The following WWOX variants were observed in gnomAD, a reference collection of about 807,000 sequenced individuals.
The protein encoded by WWOX is WW domain containing oxidoreductase, also known as WW domain-containing oxidoreductase.
In WWOX, 69 loss-of-function variants were observed where a neutral mutation model predicts 46.2. The ratio of observed to expected loss-of-function variants is 1.49; its 90% CI spans 1.23 to 1.82. The LOEUF (loss-of-function observed/expected upper bound fraction) is 1.82, where lower values mean the gene tolerates loss of function less well. Among genes scored for constraint, WWOX ranks in the 40% most tolerant of loss-of-function variants. WWOX has a pLI of 0.00. For missense variants in WWOX, 919 were observed against 542.6 expected, an observed-to-expected ratio of 1.69 and a Z score of -6.89; for synonymous variants, 359 against 202.6, an observed-to-expected ratio of 1.77 and a Z score of -6.56.
chr16:78,569,291 C>G (rs772616720), intron 8 of WWOX, among the ~76,000 whole-genome samples: 2 of 152,134 alleles, frequency 1.3e-5, no homozygotes, highest in African/African-American at 4.8e-5. Flanking sequence ...TTCATTGAAT[C>G]AAGGCAGTTT....
At chr16:78,714,031 G>C (rs755729588) in intron 8 of WWOX, among the ~76,000 whole-genome samples, 4 of 152,230 alleles carry the variant, frequency 2.6e-5, no homozygotes, top group South Asian at 4.2e-4. Flanking sequence ...GGAAGGTAAG[G>C]GAACTGGGGA....
intron 8 of WWOX, among the ~76,000 whole-genome samples, chr16:78,813,580 T>C (rs979917002): frequency 6.6e-6 from 1 of 152,090 alleles, no homozygotes; most frequent in Non-Finnish European, 1.5e-5. Context: ...TGTGTGTGCG[T>C]GTGTGTGTGC....
At chr16:79,028,919 T>G (rs1454934546) in intron 8 of WWOX, among the ~76,000 whole-genome samples, 1 of 151,794 alleles carries the variant, frequency 6.6e-6, no homozygotes, top group Admixed American at 6.6e-5. Context: ...GTTCATAAAT[T>G]TATAGCCGCT....
chr16:78,837,224 A>G lies in WWOX; in HGVS notation c.1057-374384A>G, dbSNP rs946556784. 5.9e-5 allele frequency among the ~76,000 whole-genome samples: 9 copies of G among 152,210 alleles called. No individual in the cohort carries two copies. In the East Asian group the frequency reaches 1.4e-3, roughly 23 times the overall value. The stretch of plus-strand genomic sequence containing the variant: ...TAGGCTGAACCAGAAGACTTGAGCT[A>G]TGTAAAAATGTCACTTGCTCTTATC... On this transcript the variant is annotated intron_variant, in intron 8 of 8. Coordinates refer to ENST00000566780, the MANE Select transcript of WWOX (RefSeq NM_016373.4).
chr16:79,155,244 C>T (rs538586277), intron 8 of WWOX, among the ~76,000 whole-genome samples: 3 of 152,248 alleles, frequency 2.0e-5, no homozygotes, highest in South Asian at 2.1e-4. Flanking sequence ...GGCATGGTGG[C>T]GTGTGCCTGT....
intron 8 of WWOX, among the ~76,000 whole-genome samples, chr16:79,132,803 C>G (rs1471636429): frequency 6.6e-6 from 1 of 152,166 alleles, no homozygotes; most frequent in East Asian, 1.9e-4. Flanking sequence ...AATGACTTTT[C>G]AAAAGAGAGT....
intron 5 of WWOX, among the ~76,000 whole-genome samples, chr16:78,354,469 C>G (rs2081244908): frequency 6.6e-6 from 1 of 152,048 alleles, no homozygotes; most frequent in Non-Finnish European, 1.5e-5. Flanking sequence ...AATTTTGATG[C>G]TGGTTTTTGA....
chr16:78,825,511 G>C (rs9938455), intron 8 of WWOX: 13,361 of 496,318 alleles, frequency 0.027, 1,525 homozygotes, highest in African/African-American at 0.24. Context: ...AAGAGATTTG[G>C]CTTCCCACAG....
chr16:78,468,029 A>G (rs1420305381), intron 8 of WWOX, among the ~76,000 whole-genome samples: 5 of 152,136 alleles, frequency 3.3e-5, no homozygotes, highest in Non-Finnish European at 7.3e-5. Context: ...CTGTTTAAGA[A>G]AGCTCAAAAT....
At chr16:78,417,326 C>G (rs912115289) in intron 6 of WWOX, among the ~76,000 whole-genome samples, 4 of 151,926 alleles carry the variant, frequency 2.6e-5, no homozygotes, top group Admixed American at 2.6e-4. Context: ...CCCCTGAGTC[C>G]AAAAGATGCT....
intron 4 of WWOX, among the ~76,000 whole-genome samples, chr16:78,137,097 AG>A (rs950241543): frequency 1.3e-5 from 2 of 152,190 alleles, no homozygotes; most frequent in African/African-American, 2.4e-5. Context: ...TGAGTGGCAG[AG>A]GGGGTCAGGG....
intron 8 of WWOX, among the ~76,000 whole-genome samples, chr16:78,803,549 C>T (rs2050950891): frequency 6.6e-6 from 1 of 152,116 alleles, no homozygotes; most frequent in South Asian, 2.1e-4. Context: ...TGGGCTCAAG[C>T]AGTCGTCCTG....
intron 8 of WWOX, among the ~76,000 whole-genome samples, chr16:79,014,335 G>A (rs1272718587): frequency 6.6e-6 from 1 of 152,146 alleles, no homozygotes; most frequent in Admixed American, 6.5e-5. Flanking sequence ...TGGCAGTCGG[G>A]CAGTGACATG....
chr16:78,953,725 T>A (rs2046109305), intron 8 of WWOX, among the ~76,000 whole-genome samples: 1 of 152,136 alleles, frequency 6.6e-6, no homozygotes, highest in Non-Finnish European at 1.5e-5. Flanking sequence ...GATAAACTCT[T>A]TCCTGGAATG....
At chr16:78,822,330 C>T (rs111587640) in intron 8 of WWOX, among the ~76,000 whole-genome samples, 39 of 152,070 alleles carry the variant, frequency 2.6e-4, no homozygotes, top group African/African-American at 8.7e-4. Flanking sequence ...GCCATCTCTA[C>T]TAAAAACACA....
intron 8 of WWOX, among the ~76,000 whole-genome samples, chr16:78,520,877 G>A (rs940388100): frequency 2.0e-5 from 3 of 152,102 alleles, no homozygotes; most frequent in Admixed American, 6.5e-5. Context: ...GGCAAGAGAC[G>A]AATTTACATT....
intron 8 of WWOX, chr16:78,898,428 T>A (rs2044751130): frequency 6.6e-6 from 1 of 152,150 alleles, no homozygotes; most frequent in African/African-American, 2.4e-5. Flanking sequence ...TTCCTTGGCA[T>A]CTTTGTCAAA....
chr16:78,656,831 C>G (rs2047092041), intron 8 of WWOX, among the ~76,000 whole-genome samples: 1 of 152,116 alleles, frequency 6.6e-6, no homozygotes, highest in Non-Finnish European at 1.5e-5. Flanking sequence ...CTGGTGAGTT[C>G]TAGACTTGAT....
intron 5 of WWOX, among the ~76,000 whole-genome samples, chr16:78,376,290 G>A (rs573261763): frequency 2.6e-5 from 4 of 152,302 alleles, no homozygotes; most frequent in African/African-American, 7.2e-5. Flanking sequence ...AGTATGTGGG[G>A]GCGGTTTTTA....
Sources: gnomAD v4.1 joint callset for allele counts (sites outside exome capture counted in the v4.1 genomes callset) on GRCh38, gnomAD v4.1.1 for gene constraint, MANE v1.5 for transcripts, NCBI Gene and HGNC (gene_info 2026-07-23, HGNC 2026-07-21) for gene names.